The following BMPR2 variants were observed in gnomAD, a reference collection of about 807,000 sequenced individuals.
BMPR2 encodes the protein bone morphogenetic protein receptor type 2.
BMPR2 carries 29 observed loss-of-function variants against 100.8 expected under a neutral mutation model. The ratio of observed to expected loss-of-function variants is 0.29; its 90% CI spans 0.21 to 0.39. The LOEUF is 0.39. BMPR2 is among the 10% of genes least tolerant of loss of function. The pLI, the probability that BMPR2 is intolerant of heterozygous loss-of-function variation, is 1.00. For synonymous variants in BMPR2, 382 were observed against 442.3 expected (o/e 0.86, Z 1.71); for missense variants, 1,011 against 1,274.5 (o/e 0.79, Z 3.15).
intron 10 of BMPR2, among the ~76,000 whole-genome samples, chr2:202,546,635 GCT>G (rs1174409282): frequency 5.3e-5 from 8 of 151,938 alleles, no homozygotes; most frequent in Non-Finnish European, 1.0e-4. Flanking sequence ...ACAGAGTCTC[GCT>G]CTGTCACTCA....
Position 202,561,839 on chromosome 2 carries a change from C to A in BMPR2, c.*1893C>A, listed in dbSNP as rs1688682885. 1 of 152,114 alleles carries A rather than the reference C, an allele frequency of 6.6e-6. No homozygotes were observed. Among genetic ancestry groups the A allele is most frequent in the African/African-American group, 2.4e-5 (1 of 41,450 alleles). The allele number at this position is 152,114 out of a possible 1,614,324, so 9.4% of individuals were successfully genotyped here. The stretch of plus-strand genomic sequence containing the variant: ...ACAAGTTAGATGTTACTATACCTAC[C>A]ATTTATTCAGCTGGATTGCTGAACA... On this transcript the variant is annotated 3_prime_UTR_variant, in exon 13 of 13. Transcript: ENST00000374580.
chr2:202,389,265 G>A (rs982124884), intron 1 of BMPR2, among the ~76,000 whole-genome samples: 1 of 151,666 alleles, frequency 6.6e-6, no homozygotes, highest in Admixed American at 6.6e-5. Flanking sequence ...TGGTGGCTCA[G>A]GGCTGTAATC....
At chr2:202,397,719 C>T (rs1301741334) in intron 1 of BMPR2, among the ~76,000 whole-genome samples, 2 of 151,380 alleles carry the variant, frequency 1.3e-5, no homozygotes, top group Non-Finnish European at 2.9e-5. Flanking sequence ...AGGCTAGCTT[C>T]GAACTTCTAA....
At chr2:202,466,086 G>T (rs1692315302) in intron 2 of BMPR2, among the ~76,000 whole-genome samples, 1 of 152,064 alleles carries the variant, frequency 6.6e-6, no homozygotes, top group African/African-American at 2.4e-5. Context: ...GTTGTTCAGT[G>T]AACAACTTTA....
intron 1 of BMPR2, among the ~76,000 whole-genome samples, chr2:202,389,316 A>C (rs1690498074): frequency 1.3e-5 from 2 of 151,926 alleles, no homozygotes; most frequent in Admixed American, 1.3e-4. Flanking sequence ...TCATGAGGTC[A>C]GGAGATTGAG....
chr2:202,410,506 C>T (rs1690991282), intron 1 of BMPR2, among the ~76,000 whole-genome samples: 1 of 152,138 alleles, frequency 6.6e-6, no homozygotes, highest in Non-Finnish European at 1.5e-5. Flanking sequence ...GTATTGGATT[C>T]GAATCCATAG....
intron 3 of BMPR2, among the ~76,000 whole-genome samples, chr2:202,492,618 T>C (rs1016248395): frequency 2.1e-5 from 3 of 145,230 alleles, no homozygotes; most frequent in African/African-American, 7.8e-5. Context: ...GAGAATCACT[T>C]GAACCCAGGA....
At chr2:202,542,252 T>G (rs899099344) in intron 9 of BMPR2, 59 bp from the exon 10 acceptor site, 4 of 1,584,800 alleles carry the variant, frequency 2.5e-6, no homozygotes, top group Non-Finnish European at 2.6e-6. Context: ...ACCCCTGTTA[T>G]TCTATCATTT....
chr2:202,499,340 A>AC, intron 3 of BMPR2, among the ~76,000 whole-genome samples: 1 of 152,336 alleles, frequency 6.6e-6, no homozygotes, highest in East Asian at 1.9e-4. Context: ...GTTTGGAGAT[A>AC]CCTGGTATCT....
intron 1 of BMPR2, among the ~76,000 whole-genome samples, chr2:202,406,234 TGTTA>T (rs1467161695): frequency 6.6e-6 from 1 of 152,224 alleles, no homozygotes; most frequent in African/African-American, 2.4e-5. Context: ...GTTCCTTCAT[TGTTA>T]GTTTCATAAA....
At chr2:202,397,896 G>A (rs955539307) in intron 1 of BMPR2, among the ~76,000 whole-genome samples, 5 of 151,492 alleles carry the variant, frequency 3.3e-5, no homozygotes, top group South Asian at 2.1e-4. Context: ...TGAGGTGGGC[G>A]GATCACCTGA....
chr2:202,498,445 T>C (rs1693090157), intron 3 of BMPR2, among the ~76,000 whole-genome samples: 1 of 151,294 alleles, frequency 6.6e-6, no homozygotes, highest in Admixed American at 6.6e-5. Context: ...TGCTGCTGCA[T>C]TGGTGAGCGC....
At chr2:202,379,813 C>A (rs999839730) in intron 1 of BMPR2, among the ~76,000 whole-genome samples, 5 of 151,742 alleles carry the variant, frequency 3.3e-5, no homozygotes, top group African/African-American at 1.2e-4. Flanking sequence ...TTATTGAGTT[C>A]TTGGACTCCT....
chr2:202,524,569 C>T (rs1687874412), intron 7 of BMPR2, among the ~76,000 whole-genome samples: 2 of 151,702 alleles, frequency 1.3e-5, no homozygotes, highest in African/African-American at 4.8e-5. Flanking sequence ...GCAGAGAGCC[C>T]AAGAGTTCAA....
At chr2:202,439,285 TACAATTGATTTTTA>T (rs1344795576) in intron 1 of BMPR2, among the ~76,000 whole-genome samples, 1 of 149,844 alleles carries the variant, frequency 6.7e-6, no homozygotes, top group Non-Finnish European at 1.5e-5. Context: ...TGTACAGAAA[TACAATTGATTTTTA>T]TATATTGATG....
intron 1 of BMPR2, among the ~76,000 whole-genome samples, chr2:202,450,379 G>C (rs1488915325): frequency 1.3e-5 from 2 of 152,054 alleles, no homozygotes; most frequent in Non-Finnish European, 2.9e-5. Context: ...TTTTTGAAAG[G>C]ATTATTTGCT....
At chr2:202,479,746 T>A (rs1692623836) in intron 3 of BMPR2, among the ~76,000 whole-genome samples, 1 of 152,168 alleles carries the variant, frequency 6.6e-6, no homozygotes, top group Admixed American at 6.5e-5. Context: ...TCCAATTTTT[T>A]AACCTTTCTC....
intron 1 of BMPR2, among the ~76,000 whole-genome samples, chr2:202,462,904 G>A (rs947356901): frequency 6.6e-6 from 1 of 151,904 alleles, no homozygotes; most frequent in African/African-American, 2.4e-5. Context: ...GTAGAAACAG[G>A]GTTTCACCAT....
chr2:202,563,112 A>T lies in BMPR2; in HGVS notation c.*3166A>T, dbSNP rs558129172. 3 of 152,204 alleles carry T rather than the reference A, an allele frequency of 2.0e-5. No individual in the cohort carries two copies. The South Asian group carries it at 6.2e-4, about 32-fold the overall frequency. 9.4% of individuals were successfully genotyped at this position (152,204 alleles called of 1,614,324 possible). Reference sequence around the variant, plus strand: ...TACCACACTGCCTACATGCCATATGACAGGATGTGTAATGGGCTAACGTTT... The same window carrying T: ...TACCACACTGCCTACATGCCATATGTCAGGATGTGTAATGGGCTAACGTTT... On this transcript the variant is annotated 3_prime_UTR_variant, in exon 13 of 13. Coordinates refer to ENST00000374580, the MANE Select transcript of BMPR2 (RefSeq NM_001204.7).
Sources: allele counts gnomAD v4.1 joint callset (sites outside exome capture counted in the v4.1 genomes callset), GRCh38; gene constraint gnomAD v4.1.1; transcripts MANE v1.5; gene names NCBI Gene and HGNC (gene_info 2026-07-23, HGNC 2026-07-21).